The following POLR1B variants were observed in gnomAD, a reference collection of about 807,000 sequenced individuals.
POLR1B encodes RNA polymerase I subunit B.
Under a neutral mutation model 105.8 loss-of-function variants are expected in POLR1B, and 30 were observed. That is an observed-to-expected ratio of 0.28 (90% CI 0.21 to 0.38). The LOEUF (loss-of-function observed/expected upper bound fraction) is 0.38, where lower values mean the gene tolerates loss of function less well. POLR1B is among the 10% of genes least tolerant of loss of function. The probability of loss-of-function intolerance (pLI) is 1.00; values close to 1 mark genes in which losing one functional copy is unlikely to be tolerated. For synonymous variants in POLR1B, 485 were observed against 505.1 expected (o/e 0.96, Z 0.53); for missense variants, 976 against 1,435.8 (o/e 0.68, Z 5.17).
chr2:112,570,020 T>C (rs911985316), intron 12 of POLR1B, among the ~76,000 whole-genome samples: 2 of 151,960 alleles, frequency 1.3e-5, no homozygotes. Flanking sequence ...GTTTCTGTTC[T>C]CTTTTTTCTT....
At chr2:112,542,881 C>A (rs1277575479) in intron 1 of POLR1B, 10 of 640,644 alleles carry the variant, frequency 1.6e-5, no homozygotes, top group Non-Finnish European at 2.7e-5. Flanking sequence ...ATTCGTGATT[C>A]TGGAGTGAAA....
intron 9 of POLR1B, 170 bp from the exon 10 acceptor site, chr2:112,564,196 G>C (rs1684159147): frequency 4.1e-6 from 3 of 736,030 alleles, no homozygotes; most frequent in Non-Finnish European, 6.3e-6. Flanking sequence ...TGATAAGCCT[G>C]CTTGAAATAT....
Position 112,575,687 on chromosome 2 carries a change from A to G in POLR1B, c.3366A>G (p.Glu1122=), listed in dbSNP as rs757171624. Residue 1122 remains glutamate (E), a synonymous_variant, in exon 15 of 15, where the codon GAA becomes GAG. Coordinates refer to ENST00000263331, the MANE Select transcript of POLR1B (RefSeq NM_019014.6). The surrounding 1 kb of genome is among the most constrained non-coding windows in gnomAD (Gnocchi z 5.3). ...ATGTTTTTCGGTATTTTGTAGCTGA[A>G]CTGGCAGCTATGAACATCAAAGTGA... ...VPYVFRYFVA[E]LAAMNIKVKL... is the part of the protein sequence containing the mutation. 1.2e-6 allele frequency: 2 copies of G among 1,613,692 alleles called. No homozygotes were observed. The highest frequency in any genetic ancestry group is 3.3e-5 in the Admixed American group (2 of 60,010).
At chr2:112,568,200 G>C in intron 11 of POLR1B, 63 bp downstream of exon 11, 2 of 1,452,612 alleles carry the variant, frequency 1.4e-6, no homozygotes, top group Non-Finnish European at 1.9e-6. Context: ...AACTTTCAGA[G>C]ACTTAACTCT....
At chr2:112,571,861 A>G (rs974433583) in intron 12 of POLR1B, among the ~76,000 whole-genome samples, 1 of 152,188 alleles carries the variant, frequency 6.6e-6, no homozygotes, top group Non-Finnish European at 1.5e-5. Flanking sequence ...TGTCCAAGTA[A>G]AAATTCTTCT....
chr2:112,542,112 T>C, upstream of POLR1B: 1 of 1,535,560 alleles, frequency 6.5e-7, no homozygotes, highest in Non-Finnish European at 8.7e-7. Context: ...GAAGAGAGCC[T>C]GAGAAGACCG....
intron 3 of POLR1B, among the ~76,000 whole-genome samples, chr2:112,548,736 C>T (rs113239898): frequency 0.032 from 4,804 of 152,228 alleles, 267 homozygotes; most frequent in African/African-American, 0.11. Flanking sequence ...CCTCAGCCTC[C>T]CGAGTAGCTG....
At chr2:112,558,185 AG>A (rs1683771268) in intron 8 of POLR1B, 104 bp downstream of exon 8, 1 of 907,830 alleles carries the variant, frequency 1.1e-6, no homozygotes, top group African/African-American at 1.7e-5. Context: ...CCACGAAAAA[AG>A]TAAATTTCTC....
chr2:112,556,394 A>G lies in POLR1B; in HGVS notation c.1159-1516A>G, dbSNP rs141381872. On this transcript the variant is annotated intron_variant, in intron 7 of 14. Coordinates refer to ENST00000263331, the MANE Select transcript of POLR1B (RefSeq NM_019014.6). The stretch of plus-strand genomic sequence containing the variant: ...TGTAGTCAGTTGTGAGATTCATTGT[A>G]ACATTTTATAAAATATATTCCTTCT... Among the ~76,000 whole-genome samples the G allele has an allele frequency of 1.2e-4, 19 of 152,352 alleles. No homozygotes were observed. In the East Asian group the frequency reaches 2.5e-3, roughly 20 times the overall value.
Position 112,577,709 on chromosome 2 carries a change from C to G in POLR1B, c.*1980C>G, listed in dbSNP as rs1684929524. On this transcript the variant is annotated 3_prime_UTR_variant, in exon 15 of 15. Transcript: ENST00000263331. ...AATTAGCCTGGTGTGGTGGCACATG[C>G]CTGTAGTTCCAGCTACTCAGGAGGC... 6.6e-6 allele frequency among the ~76,000 whole-genome samples: 1 copy of G among 151,610 alleles called. No homozygotes were observed. The highest frequency in any genetic ancestry group is 1.5e-5 in the Non-Finnish European group (1 of 67,936).
chr2:112,559,256 G>A, intron 8 of POLR1B, 37 bp from the exon 9 acceptor site: 1 of 1,605,006 alleles, frequency 6.2e-7, no homozygotes, highest in Non-Finnish European at 8.5e-7. Flanking sequence ...TTTTTCAAAA[G>A]ATTGGCCCAT....
chr2:112,579,208 C>CAAAAAAAAAAAAAA lies in POLR1B; in HGVS notation c.*3498_*3511dup, dbSNP rs56190123. Among the ~76,000 whole-genome samples, 4 of 58,694 alleles carry CAAAAAAAAAAAAAA rather than the reference C, an allele frequency of 6.8e-5. No individual in the cohort carries two copies. The highest frequency in any genetic ancestry group is 8.3e-4 in the East Asian group (1 of 1,198). 38.5% of individuals were successfully genotyped at this position (58,694 alleles called of 152,430 possible). On this transcript the variant is annotated 3_prime_UTR_variant, in exon 15 of 15. Transcript: ENST00000263331. ...GGGCAACAGAGCAAGACTAGAGTCT[C>CAAAAAAAAAAAAAA]AAAAAAAAAAAAAAAAAAAAAAAAA...
In POLR1B at chr2:112,546,764, C is replaced by T. The variant is rs536182278; in HGVS notation, c.178-248C>T. Among the ~76,000 whole-genome samples, 21 of 151,706 alleles carry T rather than the reference C, an allele frequency of 1.4e-4. No homozygotes were observed. In the East Asian group the frequency reaches 3.9e-3, roughly 28 times the overall value. On this transcript the variant is annotated intron_variant, in intron 1 of 14. Transcript: ENST00000263331. Reference sequence around the variant, plus strand: ...ATTTTTAGTAGAGATGGGGTTTCACCGTGTTAGCCAGGATGGTCTCGATCT... The same window carrying T: ...ATTTTTAGTAGAGATGGGGTTTCACTGTGTTAGCCAGGATGGTCTCGATCT...
Position 112,575,003 on chromosome 2 carries a change from C to T in POLR1B, c.2682C>T (p.Ser894=). The T allele has an allele frequency of 6.2e-7, 1 of 1,614,154 alleles. No individual in the cohort carries two copies. The highest frequency in any genetic ancestry group is 8.5e-7 in the Non-Finnish European group (1 of 1,180,038). ...GCCATGGGCAGAAGGGCATTTTAAG[C>T]AGATTGTGGCCGGCTGAGGACATGC... ...ASRHGQKGIL[S]RLWPAEDMPF... is the part of the protein sequence containing the mutation. Residue 894 remains serine, a synonymous_variant, in exon 15 of 15, where the codon AGC becomes AGT. Transcript: ENST00000263331. The surrounding 1 kb of genome is among the most constrained non-coding windows in gnomAD (Gnocchi z 5.3).
intron 6 of POLR1B, 120 bp from the exon 7 acceptor site, chr2:112,552,525 A>G: frequency 9.0e-7 from 1 of 1,107,610 alleles, no homozygotes. Context: ...CAAAAACTGA[A>G]TGCTTAATTT....
rs778824341 is a variant in POLR1B, at chr2:112,551,822, A to G, written c.810A>G (p.Lys270=). 6.2e-7 allele frequency: 1 copy of G among 1,614,190 alleles called. No individual in the cohort carries two copies. Among genetic ancestry groups the G allele is most frequent in the African/African-American group, 1.3e-5 (1 of 75,052 alleles). ...SDYQIFQELI[K]GKEDDSFLRN... ...ATCAGATCTTTCAGGAGCTCATCAA[A>G]GGAAAAGAGGATGATTCTTTCCTTA... Residue 270 remains lysine (K), a synonymous_variant, in exon 6 of 15, where the codon AAA becomes AAG. Coordinates refer to ENST00000263331, the MANE Select transcript of POLR1B (RefSeq NM_019014.6).
intron 7 of POLR1B, 87 bp from the exon 8 acceptor site, chr2:112,557,823 C>T (rs1006947167): frequency 2.3e-5 from 17 of 723,602 alleles, no homozygotes; most frequent in East Asian, 4.0e-5. Context: ...TGGTCTCAAG[C>T]GATCCACCCA....
Position 112,559,278 on chromosome 2 carries a change from T to C in POLR1B, c.1331-15T>C. 2.5e-6 allele frequency: 4 copies of C among 1,610,386 alleles called. No homozygotes were observed. The highest frequency in any genetic ancestry group is 3.4e-6 in the Non-Finnish European group (4 of 1,177,158). ...AAAGATTGGCCCATTTTTGAATGAC[T>C]TTTGTTTTATTAAGGTCTTGGCCTC... On this transcript the variant is annotated splice_polypyrimidine_tract_variant and intron_variant, in intron 8 of 14. Transcript: ENST00000263331.
intron 9 of POLR1B, among the ~76,000 whole-genome samples, chr2:112,561,557 G>C (rs1368742592): frequency 6.6e-6 from 1 of 152,010 alleles, no homozygotes; most frequent in African/African-American, 2.4e-5. Flanking sequence ...GTGCCTAGGG[G>C]AAATACAGGG....
Sources: allele counts gnomAD v4.1 joint callset (sites outside exome capture counted in the v4.1 genomes callset), GRCh38; gene constraint gnomAD v4.1.1; non-coding constraint Gnocchi (gnomAD v3.1); transcripts MANE v1.5; gene names NCBI Gene and HGNC (gene_info 2026-07-23, HGNC 2026-07-21).